Variants in ACADSB observed in about 807,000 individuals in gnomAD.
ACADSB encodes the protein acyl-CoA dehydrogenase short/branched chain.
Under a neutral mutation model 54.1 loss-of-function variants are expected in ACADSB, and 40 were observed. The ratio of observed to expected loss-of-function variants is 0.74; its 90% CI spans 0.57 to 0.96. ACADSB has a LOEUF of 0.96. Ranked by LOEUF, ACADSB falls within the 40% of genes least tolerant of loss-of-function variation. The pLI, the probability that ACADSB is intolerant of heterozygous loss-of-function variation, is 0.00. For synonymous variants in ACADSB, 182 were observed against 182.8 expected (o/e 1.00, Z 0.03); for missense variants, 530 against 510.4 (o/e 1.04, Z -0.37).
chr10:123,045,235 G>A (rs1331443937), intron 7 of ACADSB, among the ~76,000 whole-genome samples: 1 of 130,874 alleles, frequency 7.6e-6, no homozygotes, highest in Non-Finnish European at 1.6e-5. Context: ...CCGGAGTGCA[G>A]TGGTGCGATC....
intron 6 of ACADSB, among the ~76,000 whole-genome samples, chr10:123,043,972 A>AT (rs1182450214): frequency 2.0e-5 from 3 of 152,042 alleles, no homozygotes; most frequent in South Asian, 4.1e-4. Context: ...CCCACCGTTG[A>AT]TTTTTATGAG....
intron 1 of ACADSB, among the ~76,000 whole-genome samples, chr10:123,010,487 G>A (rs1044754899): frequency 3.9e-5 from 6 of 152,082 alleles, no homozygotes; most frequent in African/African-American, 1.2e-4. Flanking sequence ...ATTGAACATC[G>A]ACTGTAGCAT....
At chr10:123,039,316 T>G (rs1272906383) in intron 3 of ACADSB, among the ~76,000 whole-genome samples, 2 of 152,182 alleles carry the variant, frequency 1.3e-5, no homozygotes, top group Non-Finnish European at 2.9e-5. Flanking sequence ...TAGCCCAAAA[T>G]GTAACAGCCA....
intron 1 of ACADSB, among the ~76,000 whole-genome samples, chr10:123,021,648 C>T (rs1384335023): frequency 2.6e-5 from 4 of 152,128 alleles, no homozygotes; most frequent in African/African-American, 9.7e-5. Context: ...CACAGATAGA[C>T]AAAACGTGCA....
rs2133484642 is a variant in ACADSB at position 123,044,411 on chromosome 10, T to A, written c.826T>A (p.Leu276Met). The A allele has an allele frequency of 1.9e-6, 3 of 1,613,580 alleles. No individual in the cohort carries two copies. Among genetic ancestry groups the A allele is most frequent in the Non-Finnish European group, 2.5e-6 (3 of 1,179,512 alleles). The change falls in exon 7 of 11, where the codon TTG becomes ATG. Residue 276 changes from leucine (L) to methionine (M), a missense_variant. Transcript: ENST00000358776. ...ENVKVPEANI[L>M]GQIGHGYKYA... Reference sequence around the variant, plus strand: ...TTTTCAGGTTCCAGAAGCCAATATCTTGGGACAAATTGGACATGGCTATAA... The same window carrying A: ...TTTTCAGGTTCCAGAAGCCAATATCATGGGACAAATTGGACATGGCTATAA...
chr10:123,053,146 GA>G lies in ACADSB; in HGVS notation c.1215del (p.Asp406MetfsTer16), dbSNP rs1850655353. The G allele has an allele frequency of 6.2e-7, 1 of 1,607,834 alleles. No individual in the cohort carries two copies. Among genetic ancestry groups the G allele is most frequent in the Non-Finnish European group, 8.5e-7 (1 of 1,177,360 alleles). ...TKDYPVEKYF[R>X]DAKIGTIYEG... ...GATTACCCTGTGGAGAAATACTTCCGAGATGCAAAGATTGGTAAATAGATTT... is the reference window on the plus strand; with the variant it reads ...GATTACCCTGTGGAGAAATACTTCCGGATGCAAAGATTGGTAAATAGATTT... On this transcript the variant is annotated frameshift_variant, in exon 10 of 11. Coordinates refer to ENST00000358776, the MANE Select transcript of ACADSB (RefSeq NM_001609.4). LOFTEE classifies it high-confidence loss of function.
rs1045741942 is a variant in ACADSB at position 123,052,908 on chromosome 10, T to G, written c.1129-153T>G. On this transcript the variant is annotated intron_variant, in intron 9 of 10. Transcript: ENST00000358776. This position sits in a 1 kb window ranked among gnomAD's most constrained non-coding sequence, Gnocchi z 4.2. ...TGTTTTACAGAAATGGTATGGAGAA[T>G]GGGACTGAAGAGACAATGCTAGTTT... The G allele has an allele frequency of 7.2e-6, 5 of 692,520 alleles. No homozygotes were observed. Among genetic ancestry groups the G allele is most frequent in the Non-Finnish European group, 1.3e-5 (5 of 377,904 alleles). 42.9% of individuals were successfully genotyped at this position (692,520 alleles called of 1,614,324 possible). A position where few individuals can be genotyped will look rare whatever the true frequency, so the allele number is the denominator to read the frequency against.
rs754175359 is a variant in ACADSB, at chr10:123,053,767, G to A, written c.*2G>A. The A allele has an allele frequency of 1.9e-5, 30 of 1,612,684 alleles. No individual in the cohort carries two copies. Among genetic ancestry groups the A allele is most frequent in the Middle Eastern group, 1.6e-4 (1 of 6,082 alleles). On this transcript the variant is annotated 3_prime_UTR_variant, in exon 11 of 11. Coordinates refer to ENST00000358776, the MANE Select transcript of ACADSB (RefSeq NM_001609.4). ...AAGCATATCGATGCAGAATACTGAC[G>A]TCTATAGGAGTGGGACCCCTCCCTG... is the stretch of plus-strand genomic sequence containing the variant.
intron 8 of ACADSB, among the ~76,000 whole-genome samples, chr10:123,049,731 G>C (rs1850602954): frequency 6.6e-6 from 1 of 152,192 alleles, no homozygotes; most frequent in Non-Finnish European, 1.5e-5. Flanking sequence ...TAATGAAACT[G>C]TATTCCTACC....
chr10:123,045,241 C>T (rs1281669787), intron 7 of ACADSB, among the ~76,000 whole-genome samples: 6 of 125,122 alleles, frequency 4.8e-5, no homozygotes, highest in Non-Finnish European at 9.5e-5. Flanking sequence ...TGCAGTGGTG[C>T]GATCTCGGCT....
chr10:123,013,743 C>T (rs914550807), intron 1 of ACADSB, among the ~76,000 whole-genome samples: 4 of 152,344 alleles, frequency 2.6e-5, no homozygotes, highest in Non-Finnish European at 4.4e-5. Flanking sequence ...CAGCTGCTGG[C>T]CTGGGTGCTA....
At position 123,041,039 on chromosome 10, in the gene ACADSB, AT is replaced by A. The variant is rs11300559; in HGVS notation, c.511-164del. 0.98 allele frequency among the ~76,000 whole-genome samples: 149,786 copies of A among 152,312 alleles called. 73,708 individuals are homozygous for A. The highest frequency in any genetic ancestry group is 1 in the Middle Eastern group (294 of 294). Reference sequence around the variant, plus strand: ...AATTTGTCTTGGACAAATAGGGTATATTTTTTGGAAAATAATACTTTCAGAA... The same window carrying A: ...AATTTGTCTTGGACAAATAGGGTATATTTTTGGAAAATAATACTTTCAGAA... On this transcript the variant is annotated intron_variant, in intron 4 of 10. Transcript: ENST00000358776.
rs1208745124 is a variant in ACADSB at position 123,039,222 on chromosome 10, GC to G, written c.304-1243del. On this transcript the variant is annotated intron_variant, in intron 3 of 10. Coordinates refer to ENST00000358776, the MANE Select transcript of ACADSB (RefSeq NM_001609.4). Reference sequence around the variant, plus strand: ...CCGGAGTGCCCTCCTCAGTTCTCAGGCAAACCCAGATCCTTCCGTTCTTCCT... The same window carrying G: ...CCGGAGTGCCCTCCTCAGTTCTCAGGAAACCCAGATCCTTCCGTTCTTCCT... Among the ~76,000 whole-genome samples, 3 of 152,226 alleles carry G rather than the reference GC, an allele frequency of 2.0e-5. No homozygotes were observed. The East Asian group carries it at 5.8e-4, about 29-fold the overall frequency.
At chr10:123,029,534 G>A (rs1850300077) in intron 1 of ACADSB, among the ~76,000 whole-genome samples, 1 of 152,104 alleles carries the variant, frequency 6.6e-6, no homozygotes, top group Non-Finnish European at 1.5e-5. Flanking sequence ...GTTTTAAAGT[G>A]TACATAAATG....
chr10:123,025,576 A>T (rs1312033259), intron 1 of ACADSB, among the ~76,000 whole-genome samples: 2 of 152,226 alleles, frequency 1.3e-5, no homozygotes, highest in Non-Finnish European at 2.9e-5. Context: ...TAAAAGTTGT[A>T]ATTCCTGCCA....
chr10:123,020,853 A>C (rs570164026), intron 1 of ACADSB, among the ~76,000 whole-genome samples: 1 of 152,290 alleles, frequency 6.6e-6, no homozygotes, highest in South Asian at 2.1e-4. Flanking sequence ...AAATACAAAA[A>C]TTAGCTGGGT....
chr10:123,041,557 A>G (rs1035519085), intron 5 of ACADSB, among the ~76,000 whole-genome samples, 178 bp downstream of exon 5: 1 of 152,124 alleles, frequency 6.6e-6, no homozygotes, highest in African/African-American at 2.4e-5. Context: ...TAAAGTAAAT[A>G]TTGTTGACAA....
intron 8 of ACADSB, among the ~76,000 whole-genome samples, chr10:123,047,699 CT>C (rs1413574550): frequency 6.6e-6 from 1 of 152,172 alleles, no homozygotes; most frequent in Non-Finnish European, 1.5e-5. Context: ...GGTAAAACTA[CT>C]TACTTACCCC....
chr10:123,034,424 G>T lies in ACADSB; in HGVS notation c.111G>T (p.Gln37His). The change falls in exon 2 of 11, where the codon CAG becomes CAT. Residue 37 changes from glutamine to histidine, a missense_variant. Coordinates refer to ENST00000358776, the MANE Select transcript of ACADSB (RefSeq NM_001609.4). Reference protein sequence around the residue: ...KIPPHVSKSSQSEALLNITNN... With the variant: ...KIPPHVSKSSHSEALLNITNN... ...CTCCTCATGTCTCAAAATCTTCCCAGTCAGAAGCTCTACTCAATATAACAA... is the reference window on the plus strand; with the variant it reads ...CTCCTCATGTCTCAAAATCTTCCCATTCAGAAGCTCTACTCAATATAACAA... 1 of 1,613,608 alleles carries T rather than the reference G, an allele frequency of 6.2e-7. No individual in the cohort carries two copies.
Sources: gnomAD v4.1 joint callset for allele counts (sites outside exome capture counted in the v4.1 genomes callset) on GRCh38, gnomAD v4.1.1 for gene constraint, Gnocchi (gnomAD v3.1) non-coding constraint, MANE v1.5 for transcripts, NCBI Gene and HGNC (gene_info 2026-07-23, HGNC 2026-07-21) for gene names.